The following KCNH8 variants were observed in gnomAD, a reference collection of about 807,000 sequenced individuals.
The protein encoded by KCNH8 is potassium voltage-gated channel subfamily H member 8.
KCNH8 carries 70 observed loss-of-function variants against 103.6 expected under a neutral mutation model. That is an observed-to-expected ratio of 0.68 (90% confidence interval 0.56 to 0.82). The LOEUF (loss-of-function observed/expected upper bound fraction) is 0.82, where lower values mean the gene tolerates loss of function less well. KCNH8 is among the 40% of genes least tolerant of loss of function. The pLI, the probability that KCNH8 is intolerant of heterozygous loss-of-function variation, is 0.00. For missense variants in KCNH8, 1,217 were observed against 1,329.9 expected, an observed-to-expected ratio of 0.92 and a Z score of 1.32; for synonymous variants, 498 against 489.4, an observed-to-expected ratio of 1.02 and a Z score of -0.23.
chr3:19,291,626 T>C (rs940721267), intron 3 of KCNH8, among the ~76,000 whole-genome samples: 13 of 152,238 alleles, frequency 8.5e-5, no homozygotes, highest in African/African-American at 3.1e-4. Context: ...TTATAATTTC[T>C]GTTCTTTTAC....
intron 7 of KCNH8, among the ~76,000 whole-genome samples, chr3:19,425,025 A>G (rs1426187700): frequency 6.6e-6 from 1 of 152,158 alleles, no homozygotes; most frequent in Admixed American, 6.5e-5. Flanking sequence ...TAGCCATTAT[A>G]TTAAATATCA....
intron 5 of KCNH8, among the ~76,000 whole-genome samples, chr3:19,362,236 A>G (rs1335949513): frequency 6.6e-6 from 1 of 152,216 alleles, no homozygotes; most frequent in Admixed American, 6.6e-5. Context: ...GTCTTCATAA[A>G]GAAAATAAAA....
At chr3:19,340,123 A>C (rs2065638123) in intron 3 of KCNH8, among the ~76,000 whole-genome samples, 1 of 152,102 alleles carries the variant, frequency 6.6e-6, no homozygotes, top group African/African-American at 2.4e-5. Flanking sequence ...AATTTTAATA[A>C]TAAATTTGGA....
intron 11 of KCNH8, among the ~76,000 whole-genome samples, chr3:19,468,639 A>G (rs749780386): frequency 2.6e-5 from 4 of 152,238 alleles, no homozygotes; most frequent in Non-Finnish European, 4.4e-5. Context: ...TGATATAGTA[A>G]GTAGGGTTAA....
At chr3:19,507,478 G>A (rs1328344555) in intron 11 of KCNH8, among the ~76,000 whole-genome samples, 2 of 152,146 alleles carry the variant, frequency 1.3e-5, no homozygotes, top group African/African-American at 4.8e-5. Context: ...TGTGCTGAAG[G>A]TGCCAGCATA....
chr3:19,276,151 C>G (rs1044555942), intron 2 of KCNH8, among the ~76,000 whole-genome samples: 1 of 150,400 alleles, frequency 6.6e-6, no homozygotes, highest in African/African-American at 2.5e-5. Flanking sequence ...GCAGCTCTTT[C>G]CCCACTCCCA....
chr3:19,335,545 C>A (rs1454217769), intron 3 of KCNH8, among the ~76,000 whole-genome samples: 1 of 147,292 alleles, frequency 6.8e-6, no homozygotes, highest in African/African-American at 2.5e-5. Context: ...ACCAAGTTTT[C>A]CAGAGTTGTA....
chr3:19,216,383 A>T (rs940767054), intron 1 of KCNH8, among the ~76,000 whole-genome samples: 1 of 152,246 alleles, frequency 6.6e-6, no homozygotes. Context: ...ACTTTGGACG[A>T]AATTCAAGTG....
chr3:19,264,327 A>G (rs113041127), intron 2 of KCNH8, among the ~76,000 whole-genome samples: 16 of 152,190 alleles, frequency 1.1e-4, no homozygotes, highest in African/African-American at 3.8e-4. Flanking sequence ...CTATTTGCAC[A>G]TAAGCTTTGT....
intron 11 of KCNH8, among the ~76,000 whole-genome samples, chr3:19,472,737 A>T (rs2067889136): frequency 6.6e-6 from 1 of 152,226 alleles, no homozygotes; most frequent in Non-Finnish European, 1.5e-5. Flanking sequence ...ATATAAGTGA[A>T]TTACATACCT....
intron 15 of KCNH8, among the ~76,000 whole-genome samples, chr3:19,527,797 A>T (rs2069091281): frequency 6.6e-6 from 1 of 152,092 alleles, no homozygotes; most frequent in Admixed American, 6.6e-5. Context: ...ACAAGAGCAA[A>T]TGCGTTGCCT....
At chr3:19,419,155 T>C (rs2066906375) in intron 7 of KCNH8, among the ~76,000 whole-genome samples, 1 of 152,116 alleles carries the variant, frequency 6.6e-6, no homozygotes, top group East Asian at 1.9e-4. Context: ...TTTAGGATTT[T>C]TCCATCTAGT....
chr3:19,341,450 T>G (rs1159955946), intron 3 of KCNH8, among the ~76,000 whole-genome samples: 1 of 152,100 alleles, frequency 6.6e-6, no homozygotes, highest in Non-Finnish European at 1.5e-5. Flanking sequence ...TCTCCTGCAC[T>G]GTTCATGTCT....
chr3:19,478,930 C>T (rs562545093), intron 11 of KCNH8, among the ~76,000 whole-genome samples: 16 of 152,140 alleles, frequency 1.1e-4, no homozygotes, highest in African/African-American at 3.4e-4. Context: ...ATTATGTTAG[C>T]GGAGAACTGC....
At chr3:19,235,722 T>C (rs571678474) in intron 1 of KCNH8, among the ~76,000 whole-genome samples, 1 of 152,348 alleles carries the variant, frequency 6.6e-6, no homozygotes, top group Non-Finnish European at 1.5e-5. Flanking sequence ...TGCTGTTATC[T>C]TTTTAATGCC....
chr3:19,454,058 C>G (rs1252455660), intron 10 of KCNH8, among the ~76,000 whole-genome samples: 1 of 151,824 alleles, frequency 6.6e-6, no homozygotes, highest in Non-Finnish European at 1.5e-5. Flanking sequence ...AATAGCAACT[C>G]AGAGTTTACT....
rs1450565190 is a variant in KCNH8, at chr3:19,419,203, T to G, written c.1178-18961T>G. ...TAATTAAAATGGTTTTGGTTTTTTT[T>G]TTTTTTTTTTTTTTGAGACGGAGTC... On this transcript the variant is annotated intron_variant, in intron 7 of 15. Transcript: ENST00000328405. Among the ~76,000 whole-genome samples the G allele has an allele frequency of 1.4e-4, 19 of 138,882 alleles. 1 individual carries two copies. Among genetic ancestry groups the G allele is most frequent in the African/African-American group, 1.6e-4 (6 of 37,200 alleles). 91.1% of individuals were successfully genotyped at this position (138,882 alleles called of 152,430 possible). A position where few individuals can be genotyped will look rare whatever the true frequency, so the allele number is the denominator to read the frequency against.
At chr3:19,353,307 A>G (rs1301613329) in intron 5 of KCNH8, among the ~76,000 whole-genome samples, 3 of 152,200 alleles carry the variant, frequency 2.0e-5, no homozygotes, top group African/African-American at 7.2e-5. Flanking sequence ...CAGAGGTACA[A>G]AGAGGAGCTG....
At chr3:19,177,879 G>A (rs1417989141) in intron 1 of KCNH8, among the ~76,000 whole-genome samples, 1 of 152,034 alleles carries the variant, frequency 6.6e-6, no homozygotes, top group Non-Finnish European at 1.5e-5. Flanking sequence ...TTAATGGGAA[G>A]TCATCCATCT....
Sources: allele counts gnomAD v4.1 joint callset (sites outside exome capture counted in the v4.1 genomes callset), GRCh38; gene constraint gnomAD v4.1.1; transcripts MANE v1.5; gene names NCBI Gene and HGNC (gene_info 2026-07-23, HGNC 2026-07-21).